Variants in SMAD5 observed in about 807,000 individuals in gnomAD.
SMAD5 encodes the protein MAD, mothers against decapentaplegic homolog 5.
In SMAD5, 9 loss-of-function variants were observed where a neutral mutation model predicts 43.1. That is an observed-to-expected ratio of 0.21 (90% CI 0.13 to 0.36). The LOEUF (loss-of-function observed/expected upper bound fraction) is 0.36, where lower values mean the gene tolerates loss of function less well. SMAD5 is among the 10% of genes least tolerant of loss of function. SMAD5 has a pLI of 1.00. For synonymous variants in SMAD5, 190 were observed against 192.4 expected (o/e 0.99, Z 0.10); for missense variants, 348 against 574.0 (o/e 0.61, Z 4.02).
intron 1 of SMAD5, among the ~76,000 whole-genome samples, chr5:136,146,207 A>G (rs937496206): frequency 6.6e-6 from 1 of 151,870 alleles, no homozygotes; most frequent in Non-Finnish European, 1.5e-5. Flanking sequence ...GTTATTATGT[A>G]TATTTGTGTC....
At position 136,139,126 on chromosome 5, in the gene SMAD5, CTCTG is replaced by C. The variant is rs1373685152; in HGVS notation, c.-245+6166_-245+6169del. Among the ~76,000 whole-genome samples, 465 of 139,954 alleles carry C rather than the reference CTCTG, an allele frequency of 3.3e-3. 3 individuals are homozygous for C. Among genetic ancestry groups the C allele is most frequent in the East Asian group, 0.012 (60 of 5,042 alleles). The allele number at this position is 139,954 out of a possible 152,430, so 91.8% of individuals were successfully genotyped here. A position where few individuals can be genotyped will look rare whatever the true frequency, so the allele number is the denominator to read the frequency against. ...TTCACTTTAGAAATCTAGCTGTGAG[CTCTG>C]TGTGTGTGTGTGTGTGTGTGTGTGT... is the stretch of plus-strand genomic sequence containing the variant. On this transcript the variant is annotated intron_variant, in intron 1 of 7. Coordinates refer to ENST00000545279, the MANE Select transcript of SMAD5 (RefSeq NM_005903.7).
At chr5:136,145,334 T>C (rs1201965375) in intron 1 of SMAD5, among the ~76,000 whole-genome samples, 1 of 151,920 alleles carries the variant, frequency 6.6e-6, no homozygotes, top group Non-Finnish European at 1.5e-5. Context: ...AGTTGTTGTT[T>C]TCACATCTTC....
rs1752720522 is a variant in SMAD5 at position 136,132,936 on chromosome 5, G to C, written c.-271G>C. On this transcript the variant is annotated 5_prime_UTR_variant, in exon 1 of 8. Coordinates refer to ENST00000545279, the MANE Select transcript of SMAD5 (RefSeq NM_005903.7). ...CGAGGAGAAGCGCAGCGACGGCGTCGGGAGAGCGCGCCTAGCCGGCTCGCG... is the reference window on the plus strand; with the variant it reads ...CGAGGAGAAGCGCAGCGACGGCGTCCGGAGAGCGCGCCTAGCCGGCTCGCG... 1 of 152,266 alleles carries C rather than the reference G, an allele frequency of 6.6e-6. No homozygotes were observed. Among genetic ancestry groups the C allele is most frequent in the African/African-American group, 2.4e-5 (1 of 41,448 alleles). The allele number at this position is 152,266 out of a possible 1,614,324, so 9.4% of individuals were successfully genotyped here. A position where few individuals can be genotyped will look rare whatever the true frequency, so the allele number is the denominator to read the frequency against.
At position 136,153,575 on chromosome 5, in the gene SMAD5, C is replaced by T. The variant is rs1288014000; in HGVS notation, c.-169-17C>T. 8 of 528,518 alleles carry T rather than the reference C, an allele frequency of 1.5e-5. No individual in the cohort carries two copies. The highest frequency in any genetic ancestry group is 1.4e-4 in the Admixed American group (4 of 28,122). 32.7% of individuals were successfully genotyped at this position (528,518 alleles called of 1,614,324 possible). A position where few individuals can be genotyped will look rare whatever the true frequency, so the allele number is the denominator to read the frequency against. On this transcript the variant is annotated splice_polypyrimidine_tract_variant and intron_variant, in intron 2 of 7. Coordinates refer to ENST00000545279, the MANE Select transcript of SMAD5 (RefSeq NM_005903.7). ...GAATTGATTTAAACTAGGATCCTTT[C>T]CCCCTTTCTCTTTCAGGACTTGACC...
intron 6 of SMAD5, 109 bp downstream of exon 6, chr5:136,172,764 G>A (rs1754274574): frequency 1.3e-6 from 1 of 744,524 alleles, no homozygotes; most frequent in Non-Finnish European, 2.4e-6. Context: ...TTTGACACGT[G>A]GCCTCTGCCT....
rs1308341776 is a variant in SMAD5, at chr5:136,172,431, C to T, written c.776-3C>T. ...ACTCTTTCTGTGTCTGGTTTGTTCA[C>T]AGATGTTCAGCCTGTTGCCTATGAA... is the stretch of plus-strand genomic sequence containing the variant. On this transcript the variant is annotated splice_region_variant and splice_polypyrimidine_tract_variant and intron_variant, in intron 5 of 7. Transcript: ENST00000545279. 1.9e-6 allele frequency: 3 copies of T among 1,570,168 alleles called. No individual in the cohort carries two copies. Among genetic ancestry groups the T allele is most frequent in the Non-Finnish European group, 2.6e-6 (3 of 1,142,814 alleles).
At chr5:136,155,640 C>G (rs1201563108) in intron 3 of SMAD5, among the ~76,000 whole-genome samples, 1 of 152,210 alleles carries the variant, frequency 6.6e-6, no homozygotes. Flanking sequence ...TTGCCATACT[C>G]CTGTTTCCAG....
intron 1 of SMAD5, among the ~76,000 whole-genome samples, chr5:136,146,978 G>A (rs906491212): frequency 6.6e-6 from 1 of 151,552 alleles, no homozygotes; most frequent in Non-Finnish European, 1.5e-5. Context: ...CCTGTTACGG[G>A]CAGTTGTGGG....
intron 1 of SMAD5, among the ~76,000 whole-genome samples, chr5:136,143,308 C>T (rs1024789966): frequency 6.7e-6 from 1 of 150,164 alleles, no homozygotes; most frequent in African/African-American, 2.5e-5. Context: ...GTGTGTTCCT[C>T]TCAGTTAGGT....
chr5:136,171,631 C>A (rs1455029736), intron 5 of SMAD5, among the ~76,000 whole-genome samples: 1 of 152,180 alleles, frequency 6.6e-6, no homozygotes, highest in Non-Finnish European at 1.5e-5. Context: ...CCACCATAAG[C>A]ACGTAACTTA....
rs58156387 is a variant in SMAD5, at chr5:136,165,662, ATTTTTTTTTTTTTTTTTT to A, written c.775+2291_775+2308del. 5.8e-3 allele frequency among the ~76,000 whole-genome samples: 381 copies of A among 65,452 alleles called. 7 individuals are homozygous for A. Among genetic ancestry groups the A allele is most frequent in the African/African-American group, 7.4e-3 (136 of 18,344 alleles). The allele number at this position is 65,452 out of a possible 152,430, so 42.9% of individuals were successfully genotyped here. A position where few individuals can be genotyped will look rare whatever the true frequency, so the allele number is the denominator to read the frequency against. On this transcript the variant is annotated intron_variant, in intron 5 of 7. Coordinates refer to ENST00000545279, the MANE Select transcript of SMAD5 (RefSeq NM_005903.7). ...TACTTCATATAAATGGAATCATACAATTTTTTTTTTTTTTTTTTTTTTTTTTTTTTTTTTTTTGTGACT... is the reference window on the plus strand; with the variant it reads ...TACTTCATATAAATGGAATCATACAATTTTTTTTTTTTTTTTTTTGTGACT...
chr5:136,176,898 T>G (rs1453246437), intron 7 of SMAD5, among the ~76,000 whole-genome samples: 3 of 152,208 alleles, frequency 2.0e-5, no homozygotes, highest in Non-Finnish European at 2.9e-5. Context: ...TCCTTTATAT[T>G]TTACCCACAA....
At chr5:136,175,544 A>T (rs1384715394) in intron 7 of SMAD5, among the ~76,000 whole-genome samples, 1 of 152,206 alleles carries the variant, frequency 6.6e-6, no homozygotes, top group Non-Finnish European at 1.5e-5. Context: ...GACTGTATTG[A>T]CATTCCAAAG....
chr5:136,139,128 C>CTG (rs57433582), intron 1 of SMAD5, among the ~76,000 whole-genome samples: 7,546 of 140,302 alleles, frequency 0.054, 413 homozygotes, highest in African/African-American at 0.15. Context: ...GCTGTGAGCT[C>CTG]TGTGTGTGTG....
chr5:136,138,709 G>T (rs981136255), intron 1 of SMAD5, among the ~76,000 whole-genome samples: 1 of 152,042 alleles, frequency 6.6e-6, no homozygotes, highest in Non-Finnish European at 1.5e-5. Flanking sequence ...GTTACCCTTA[G>T]GTTGTATGTA....
chr5:136,143,597 G>T (rs1191056918), intron 1 of SMAD5, among the ~76,000 whole-genome samples: 1 of 151,692 alleles, frequency 6.6e-6, no homozygotes, highest in East Asian at 1.9e-4. Flanking sequence ...TTCCTCATTT[G>T]GCTGAGTGAT....
At chr5:136,156,186 A>C (rs1360803731) in intron 3 of SMAD5, among the ~76,000 whole-genome samples, 1 of 152,184 alleles carries the variant, frequency 6.6e-6, no homozygotes, top group East Asian at 1.9e-4. Flanking sequence ...GGTAGTTCAC[A>C]TTCATGACAG....
intron 4 of SMAD5, 147 bp from the exon 5 acceptor site, chr5:136,163,125 C>T (rs903771856): frequency 7.4e-6 from 4 of 538,556 alleles, no homozygotes; most frequent in Non-Finnish European, 1.2e-5. Flanking sequence ...TTCTCCTTTT[C>T]CCTTGCCCTA....
intron 3 of SMAD5, among the ~76,000 whole-genome samples, chr5:136,158,507 A>G (rs546283342): frequency 6.6e-6 from 1 of 152,328 alleles, no homozygotes; most frequent in South Asian, 2.1e-4. Flanking sequence ...ATAGAGGATG[A>G]GGTCCAGGAA....
Sources: gnomAD v4.1 joint callset for allele counts (sites outside exome capture counted in the v4.1 genomes callset) on GRCh38, gnomAD v4.1.1 for gene constraint, MANE v1.5 for transcripts, NCBI Gene and HGNC (gene_info 2026-07-23, HGNC 2026-07-21) for gene names.